The following SLC31A2 variants were observed in gnomAD, a reference collection of about 807,000 sequenced individuals.
SLC31A2 encodes protein SLC31A2.
SLC31A2 carries 16 observed loss-of-function variants against 14.4 expected under a neutral mutation model. The observed-to-expected ratio is 1.11, with a 90% CI of 0.75 to 1.69. SLC31A2 has a LOEUF of 1.69. SLC31A2 is among the 40% of genes most tolerant of loss of function. The pLI is 0.00. For synonymous variants in SLC31A2, 56 were observed against 68.7 expected (o/e 0.82, Z 0.91); for missense variants, 140 against 173.9 (o/e 0.81, Z 1.10).
chr9:113,157,570 T>C (rs1271106461), intron 1 of SLC31A2, among the ~76,000 whole-genome samples, 157 bp from the exon 2 acceptor site: 1 of 152,228 alleles, frequency 6.6e-6, no homozygotes, highest in Non-Finnish European at 1.5e-5. Flanking sequence ...GTCTCAGCTC[T>C]TTATGGCCTC....
At chr9:113,162,691 C>G in intron 3 of SLC31A2, 58 bp from the exon 4 acceptor site, 1 of 1,513,670 alleles carries the variant, frequency 6.6e-7, no homozygotes, top group Non-Finnish European at 9.0e-7. Context: ...ATATCTACTC[C>G]CAGCTTCCTC....
intron 1 of SLC31A2, chr9:113,155,995 G>C (rs1431659441): frequency 3.9e-6 from 2 of 517,560 alleles, no homozygotes. Flanking sequence ...GAGACGACTA[G>C]AACATGCAAG....
chr9:113,163,624 A>C lies in SLC31A2; in HGVS notation c.*707A>C, dbSNP rs1010557448. 6.6e-6 allele frequency: 1 copy of C among 152,422 alleles called. No individual in the cohort carries two copies. Among genetic ancestry groups the C allele is most frequent in the Non-Finnish European group, 1.5e-5 (1 of 68,034 alleles). The allele number at this position is 152,422 out of a possible 1,614,324, so 9.4% of individuals were successfully genotyped here. ...GGGAGAGAATAAGTGACAGCTGATT[A>C]AAGGCAGAGACACAGGACTGCTTTC... On this transcript the variant is annotated 3_prime_UTR_variant, in exon 4 of 4. Transcript: ENST00000259392.
rs1312044396 is a variant in SLC31A2, at chr9:113,163,830, T to TAATA, written c.*914_*917dup. On this transcript the variant is annotated 3_prime_UTR_variant, in exon 4 of 4. Transcript: ENST00000259392. Reference sequence around the variant, plus strand: ...GCTGCATCTAATAATGTTCAATACTTAATATTCTCTATTTATTACTTACTG... The same window carrying TAATA: ...GCTGCATCTAATAATGTTCAATACTTAATAAATATTCTCTATTTATTACTTACTG... The TAATA allele has an allele frequency of 6.6e-6, 1 of 152,668 alleles. No homozygotes were observed. Among genetic ancestry groups the TAATA allele is most frequent in the Non-Finnish European group, 1.5e-5 (1 of 68,042 alleles). The allele number at this position is 152,668 out of a possible 1,614,324, so 9.5% of individuals were successfully genotyped here.
At position 113,164,063 on chromosome 9, in the gene SLC31A2, A is replaced by AGAT. The variant is rs1354623121; in HGVS notation, c.*1149_*1151dup. 1 of 152,580 alleles carries AGAT rather than the reference A, an allele frequency of 6.6e-6. No individual in the cohort carries two copies. Among genetic ancestry groups the AGAT allele is most frequent in the African/African-American group, 2.4e-5 (1 of 41,428 alleles). 9.5% of individuals were successfully genotyped at this position (152,580 alleles called of 1,614,324 possible). ...CTGTATACTAAATACCTCACAGATTAGATGAAAAGATGGTTGTAAGCTTTG... is the reference window on the plus strand; with the variant it reads ...CTGTATACTAAATACCTCACAGATTAGATGATGAAAAGATGGTTGTAAGCTTTG... On this transcript the variant is annotated 3_prime_UTR_variant, in exon 4 of 4. Transcript: ENST00000259392.
chr9:113,153,480 G>A (rs773643081), intron 1 of SLC31A2, among the ~76,000 whole-genome samples: 14 of 152,134 alleles, frequency 9.2e-5, no homozygotes, highest in Non-Finnish European at 1.5e-5. Flanking sequence ...AGTACACTAA[G>A]GTTTGAGAAC....
intron 1 of SLC31A2, chr9:113,155,863 C>T (rs1029121854): frequency 6.2e-6 from 2 of 321,254 alleles, no homozygotes; most frequent in East Asian, 7.6e-5. Context: ...CAGCTCCCCT[C>T]GGAGGAAACT....
At position 113,151,174 on chromosome 9, in the gene SLC31A2, G is replaced by A; in HGVS notation, c.6+94G>A. 7 of 1,214,798 alleles carry A rather than the reference G, an allele frequency of 5.8e-6. No homozygotes were observed. Among genetic ancestry groups the A allele is most frequent in the Non-Finnish European group, 6.3e-6 (6 of 953,932 alleles). The allele number at this position is 1,214,798 out of a possible 1,614,324, so 75.3% of individuals were successfully genotyped here. A position where few individuals can be genotyped will look rare whatever the true frequency, so the allele number is the denominator to read the frequency against. ...GCACCCCGAATCCTCGCTGCCGCTG[G>A]CCCGGGGCTGGTGAAGGGTGTGTTG... On this transcript the variant is annotated intron_variant, in intron 1 of 3. Coordinates refer to ENST00000259392, the MANE Select transcript of SLC31A2 (RefSeq NM_001860.3). This position sits in a 1 kb window ranked among gnomAD's most constrained non-coding sequence, Gnocchi z 4.2.
rs1830036457 is a variant in SLC31A2, at chr9:113,162,821, G to A, written c.336G>A (p.Leu112=). ...TGGTCATCGGCTACTTCATCATGCT[G>A]GCCGTAATGTCCTACAACACCTGGA... ...IQVVIGYFIM[L]AVMSYNTWIF... Residue 112 remains leucine, a synonymous_variant, in exon 4 of 4, where the codon CTG becomes CTA. Coordinates refer to ENST00000259392, the MANE Select transcript of SLC31A2 (RefSeq NM_001860.3). 6.2e-7 allele frequency: 1 copy of A among 1,613,616 alleles called. No individual in the cohort carries two copies. The highest frequency in any genetic ancestry group is 1.3e-5 in the African/African-American group (1 of 74,862).
At chr9:113,162,627 C>A (rs557715610) in intron 3 of SLC31A2, 122 bp from the exon 4 acceptor site, 547 of 889,598 alleles carry the variant, frequency 6.1e-4, no homozygotes, top group Admixed American at 1.5e-3. Flanking sequence ...CTGGGTTAAG[C>A]ATACAAGTTA....
At chr9:113,158,440 C>G (rs796267998) in intron 2 of SLC31A2, among the ~76,000 whole-genome samples, 6 of 152,298 alleles carry the variant, frequency 3.9e-5, no homozygotes, top group African/African-American at 1.4e-4. Flanking sequence ...TGGCTTAAAA[C>G]AAGTCATTTT....
rs916358484 is a variant in SLC31A2 at position 113,162,979 on chromosome 9, A to G, written c.*62A>G. ...CATGGAGCCCCCTCTTCCAGACACTATACTTCCAACTGCCCTTTCTTCTGA... is the reference window on the plus strand; with the variant it reads ...CATGGAGCCCCCTCTTCCAGACACTGTACTTCCAACTGCCCTTTCTTCTGA... On this transcript the variant is annotated 3_prime_UTR_variant, in exon 4 of 4. Coordinates refer to ENST00000259392, the MANE Select transcript of SLC31A2 (RefSeq NM_001860.3). 2.1e-6 allele frequency: 3 copies of G among 1,415,100 alleles called. No individual in the cohort carries two copies. The highest frequency in any genetic ancestry group is 2.5e-5 in the Admixed American group (1 of 40,598). The allele number at this position is 1,415,100 out of a possible 1,614,324, so 87.7% of individuals were successfully genotyped here.
At position 113,162,733 on chromosome 9, in the gene SLC31A2, TCTC is replaced by T. The variant is rs1830034281; in HGVS notation, c.264-13_264-11del. 6.2e-7 allele frequency: 1 copy of T among 1,604,138 alleles called. No homozygotes were observed. The highest frequency in any genetic ancestry group is 8.5e-7 in the Non-Finnish European group (1 of 1,174,210). On this transcript the variant is annotated splice_polypyrimidine_tract_variant and intron_variant, in intron 3 of 3. Transcript: ENST00000259392. ...AGCTCATTACCAGGATTAACTTGCT[TCTC>T]CTTTTTATCTAGGTGGTATTTGTGT...
In SLC31A2 at chr9:113,151,960, A is replaced by AC. The variant is rs907459740; in HGVS notation, c.6+880_6+881insC. 2.7e-5 allele frequency: 4 copies of AC among 150,350 alleles called. No individual in the cohort carries two copies. The highest frequency in any genetic ancestry group is 9.7e-5 in the African/African-American group (4 of 41,202). 9.3% of individuals were successfully genotyped at this position (150,350 alleles called of 1,614,324 possible). A position where few individuals can be genotyped will look rare whatever the true frequency, so the allele number is the denominator to read the frequency against. Reference sequence around the variant, plus strand: ...GACGTCCTCAAACAAACAAAACAAAAAAAAAAAGATATAGGAAGTGTATGT... The same window carrying AC: ...GACGTCCTCAAACAAACAAAACAAAACAAAAAAAGATATAGGAAGTGTATGT... On this transcript the variant is annotated intron_variant, in intron 1 of 3. Transcript: ENST00000259392. This position sits in a 1 kb window ranked among gnomAD's most constrained non-coding sequence, Gnocchi z 4.2.
Position 113,163,024 on chromosome 9 carries a change from T to G in SLC31A2, c.*107T>G. 9.1e-7 allele frequency: 1 copy of G among 1,095,426 alleles called. No homozygotes were observed. 67.9% of individuals were successfully genotyped at this position (1,095,426 alleles called of 1,614,324 possible). A position where few individuals can be genotyped will look rare whatever the true frequency, so the allele number is the denominator to read the frequency against. The stretch of plus-strand genomic sequence containing the variant: ...TTCTGATGGCTATTCCTCCACCTTA[T>G]TCCCAGCCCCTGGAAACTTTGAGCT... On this transcript the variant is annotated 3_prime_UTR_variant, in exon 4 of 4. Coordinates refer to ENST00000259392, the MANE Select transcript of SLC31A2 (RefSeq NM_001860.3).
intron 2 of SLC31A2, 100 bp from the exon 3 acceptor site, chr9:113,161,409 G>C: frequency 9.4e-7 from 1 of 1,063,468 alleles, no homozygotes. Flanking sequence ...GAAGGTGCAG[G>C]ATAGAGGTGG....
intron 2 of SLC31A2, chr9:113,158,206 C>G (rs1829958808): frequency 2.6e-6 from 1 of 378,688 alleles, no homozygotes; most frequent in Non-Finnish European, 5.6e-6. Context: ...ACAGCAGCTG[C>G]TGGAGATGAG....
At chr9:113,158,633 A>G (rs7854808) in intron 2 of SLC31A2, among the ~76,000 whole-genome samples, 62,222 of 152,042 alleles carry the variant, frequency 0.41, 13,353 homozygotes, top group East Asian at 0.69. Context: ...TTGTTGGCTG[A>G]ACACCTACAT....
chr9:113,153,260 A>G (rs540127369), intron 1 of SLC31A2, among the ~76,000 whole-genome samples: 5 of 151,442 alleles, frequency 3.3e-5, no homozygotes, highest in Non-Finnish European at 5.9e-5. Flanking sequence ...AGCTATTCTT[A>G]TTTTTAAACT....
Sources: gnomAD v4.1 joint callset for allele counts (sites outside exome capture counted in the v4.1 genomes callset) on GRCh38, gnomAD v4.1.1 for gene constraint, Gnocchi (gnomAD v3.1) non-coding constraint, MANE v1.5 for transcripts, NCBI Gene and HGNC (gene_info 2026-07-23, HGNC 2026-07-21) for gene names.